Variants in CPQ observed in about 807,000 individuals in gnomAD.
CPQ encodes the protein Ser-Met dipeptidase.
In CPQ, 37 loss-of-function variants were observed where a neutral mutation model predicts 45.7. The ratio of observed to expected loss-of-function variants is 0.81; its 90% CI spans 0.62 to 1.07. The LOEUF is 1.07. Among genes scored for constraint, CPQ ranks in the 50% least tolerant of loss-of-function variants. The pLI, the probability that CPQ is intolerant of heterozygous loss-of-function variation, is 0.00. For missense variants in CPQ, 537 were observed against 572.9 expected, an observed-to-expected ratio of 0.94 and a Z score of 0.64; for synonymous variants, 186 against 205.8, an observed-to-expected ratio of 0.90 and a Z score of 0.82.
At chr8:96,747,492 A>G (rs1810203699) in intron 1 of CPQ, among the ~76,000 whole-genome samples, 3 of 152,190 alleles carry the variant, frequency 2.0e-5, no homozygotes, top group Admixed American at 1.3e-4. Context: ...TTTGCTTTCA[A>G]AATTCATCCA....
chr8:97,119,977 G>A (rs530597379), intron 7 of CPQ, among the ~76,000 whole-genome samples: 1 of 152,214 alleles, frequency 6.6e-6, no homozygotes, highest in Admixed American at 6.5e-5. Context: ...CACATAAGCT[G>A]GTTTACAGAG....
intron 1 of CPQ, among the ~76,000 whole-genome samples, chr8:96,695,438 A>G (rs1219516630): frequency 2.0e-5 from 3 of 150,566 alleles, no homozygotes; most frequent in Non-Finnish European, 4.4e-5. Context: ...AAATTGACAA[A>G]TGGGATCTAA....
At chr8:96,846,453 TTTTC>T (rs1377899271) in intron 3 of CPQ, among the ~76,000 whole-genome samples, 1 of 152,236 alleles carries the variant, frequency 6.6e-6, no homozygotes, top group East Asian at 1.9e-4. Context: ...TCATAGAGTC[TTTTC>T]TTAATAGTGC....
intron 4 of CPQ, among the ~76,000 whole-genome samples, chr8:96,933,005 T>C (rs911480704): frequency 6.6e-6 from 1 of 152,208 alleles, no homozygotes; most frequent in Non-Finnish European, 1.5e-5. Context: ...ATTTATTCTC[T>C]AAGAATTGCC....
Position 96,854,530 on chromosome 8 carries a change from C to CAAAAAAAAAAAAAAAAAA in CPQ, c.641+19362_641+19379dup, listed in dbSNP as rs1156706371. Among the ~76,000 whole-genome samples, 31 of 8,688 alleles carry CAAAAAAAAAAAAAAAAAA rather than the reference C, an allele frequency of 3.6e-3. 3 individuals are homozygous for CAAAAAAAAAAAAAAAAAA. Among genetic ancestry groups the CAAAAAAAAAAAAAAAAAA allele is most frequent in the East Asian group, 5.1e-3 (1 of 198 alleles). The allele number at this position is 8,688 out of a possible 152,430, so 5.7% of individuals were successfully genotyped here. On this transcript the variant is annotated intron_variant, in intron 3 of 7. Coordinates refer to ENST00000220763, the MANE Select transcript of CPQ (RefSeq NM_016134.4). The stretch of plus-strand genomic sequence containing the variant: ...TGGGCGACAGAGCGAGACTCCGTCT[C>CAAAAAAAAAAAAAAAAAA]AAAAAAAAAAAAAAAAAAAAAAAAA...
At chr8:96,956,772 C>T (rs1224090503) in intron 4 of CPQ, among the ~76,000 whole-genome samples, 1 of 152,170 alleles carries the variant, frequency 6.6e-6, no homozygotes, top group African/African-American at 2.4e-5. Context: ...ATTTTTGCAA[C>T]ATCTCCTTTC....
intron 7 of CPQ, among the ~76,000 whole-genome samples, chr8:97,130,580 G>A (rs973193264): frequency 6.6e-6 from 1 of 152,004 alleles, no homozygotes. Flanking sequence ...TTATATTAAC[G>A]TGGGTCAACC....
At chr8:96,958,458 A>G (rs1563538900) in intron 4 of CPQ, among the ~76,000 whole-genome samples, 1 of 152,176 alleles carries the variant, frequency 6.6e-6, no homozygotes. Context: ...ACTTAAGATC[A>G]TCTCCAGTTG....
chr8:96,720,151 T>G (rs1364833452), intron 1 of CPQ, among the ~76,000 whole-genome samples: 1 of 152,274 alleles, frequency 6.6e-6, no homozygotes, highest in African/African-American at 2.4e-5. Context: ...AGACGATATT[T>G]TCATTTCATT....
At chr8:97,140,660 A>G (rs993304549) in intron 7 of CPQ, among the ~76,000 whole-genome samples, 1 of 152,052 alleles carries the variant, frequency 6.6e-6, no homozygotes, top group East Asian at 1.9e-4. Context: ...ATATTACCAC[A>G]ATTCTGATCA....
intron 3 of CPQ, among the ~76,000 whole-genome samples, chr8:96,846,048 C>G (rs1450031534): frequency 6.6e-6 from 1 of 152,148 alleles, no homozygotes; most frequent in African/African-American, 2.4e-5. Context: ...GAACTCCTGA[C>G]CTCAAGTGAT....
At chr8:97,022,994 T>TAC (rs1178698622) in intron 5 of CPQ, among the ~76,000 whole-genome samples, 1 of 146,894 alleles carries the variant, frequency 6.8e-6, no homozygotes, top group African/African-American at 2.5e-5. Flanking sequence ...AGTATATATA[T>TAC]ACAGTATATA....
intron 2 of CPQ, among the ~76,000 whole-genome samples, chr8:96,794,182 G>T (rs1378623872): frequency 9.9e-5 from 15 of 152,200 alleles, no homozygotes; most frequent in Admixed American, 7.9e-4. Context: ...CTCCATGAGA[G>T]CAATGCCCCT....
chr8:97,092,490 CA>C (rs1811142852), intron 7 of CPQ: 1 of 152,126 alleles, frequency 6.6e-6, no homozygotes, highest in Non-Finnish European at 1.5e-5. Flanking sequence ...GCCAATGGAA[CA>C]GGTTAGAGAA....
intron 3 of CPQ, among the ~76,000 whole-genome samples, chr8:96,873,615 C>T (rs561757003): frequency 1.3e-4 from 20 of 151,678 alleles, no homozygotes; most frequent in African/African-American, 4.8e-4. Context: ...TAATTAGAAG[C>T]TTTAAAAAAA....
rs1307128339 is a variant in CPQ at position 96,791,331 on chromosome 8, C to T, written c.433+6001C>T. Among the ~76,000 whole-genome samples the T allele has an allele frequency of 5.9e-5, 9 of 152,182 alleles. 1 individual carries two copies. The highest frequency in any genetic ancestry group is 3.9e-4 in the Admixed American group (6 of 15,280). On this transcript the variant is annotated intron_variant, in intron 2 of 7. Coordinates refer to ENST00000220763, the MANE Select transcript of CPQ (RefSeq NM_016134.4). Reference sequence around the variant, plus strand: ...GCTGAAGCAGATCTGTTTCAAAAGCCGTTGATACCTGTACTGTGACAGCAG... The same window carrying T: ...GCTGAAGCAGATCTGTTTCAAAAGCTGTTGATACCTGTACTGTGACAGCAG...
intron 2 of CPQ, among the ~76,000 whole-genome samples, chr8:96,790,424 G>A (rs1810831588): frequency 6.6e-6 from 1 of 152,090 alleles, no homozygotes; most frequent in Non-Finnish European, 1.5e-5. Context: ...TGGCTACTTA[G>A]GGTAGAGTTT....
intron 1 of CPQ, among the ~76,000 whole-genome samples, chr8:96,778,716 T>C (rs554698656): frequency 6.6e-6 from 1 of 152,316 alleles, no homozygotes; most frequent in South Asian, 2.1e-4. Context: ...TATATCATTT[T>C]AGTATCAAAA....
intron 7 of CPQ, among the ~76,000 whole-genome samples, chr8:97,087,035 A>G (rs1331958607): frequency 6.6e-6 from 1 of 152,152 alleles, no homozygotes; most frequent in Non-Finnish European, 1.5e-5. Flanking sequence ...TTATTTGACA[A>G]TTAGTCAAGT....
Sources: allele counts gnomAD v4.1 joint callset (sites outside exome capture counted in the v4.1 genomes callset), GRCh38; gene constraint gnomAD v4.1.1; transcripts MANE v1.5; gene names NCBI Gene and HGNC (gene_info 2026-07-23, HGNC 2026-07-21).